Variants in SNTG1 observed in about 807,000 individuals in gnomAD.
SNTG1 encodes the protein gamma-1-syntrophin.
Under a neutral mutation model 74.7 loss-of-function variants are expected in SNTG1, and 39 were observed. That is an observed-to-expected ratio of 0.52 (90% CI 0.40 to 0.68). SNTG1 has a LOEUF of 0.68. Ranked by LOEUF, SNTG1 falls within the 30% of genes least tolerant of loss-of-function variation. The pLI is 0.00. For missense variants in SNTG1, 685 were observed against 609.5 expected (o/e 1.12, Z -1.30); for synonymous variants, 254 against 217.1 (o/e 1.17, Z -1.49).
chr8:50,010,003 C>T (rs1297414100), intron 1 of SNTG1, among the ~76,000 whole-genome samples: 1 of 152,036 alleles, frequency 6.6e-6, no homozygotes, highest in African/African-American at 2.4e-5. Flanking sequence ...CTAAAAAAAC[C>T]CAATTATTTA....
intron 1 of SNTG1, among the ~76,000 whole-genome samples, chr8:50,102,963 C>G (rs112133562): frequency 6.6e-6 from 1 of 151,024 alleles, no homozygotes; most frequent in Non-Finnish European, 1.5e-5. Flanking sequence ...GTTACTGTAG[C>G]CTTGTAGTAT....
intron 12 of SNTG1, among the ~76,000 whole-genome samples, chr8:50,572,241 T>A (rs1055774977): frequency 7.0e-6 from 1 of 142,644 alleles, no homozygotes; most frequent in African/African-American, 2.6e-5. Context: ...ATTGTATGTT[T>A]GTTTCTATCA....
intron 2 of SNTG1, among the ~76,000 whole-genome samples, chr8:50,277,665 C>G (rs4873142): frequency 0.52 from 79,430 of 151,974 alleles, 23,762 homozygotes; most frequent in East Asian, 0.83. Flanking sequence ...ATTCTACAAA[C>G]TTTTCCCAAG....
chr8:50,581,673 T>C (rs1194548603), intron 12 of SNTG1, among the ~76,000 whole-genome samples: 2 of 152,180 alleles, frequency 1.3e-5, no homozygotes, highest in African/African-American at 4.8e-5. Flanking sequence ...ATATTTGGGA[T>C]GCCACAGTGT....
At chr8:50,683,580 A>T (rs539480459) in intron 15 of SNTG1, among the ~76,000 whole-genome samples, 21 of 152,298 alleles carry the variant, frequency 1.4e-4, no homozygotes, top group South Asian at 8.3e-4. Context: ...TGCAATTTTT[A>T]CATCTCCCTA....
At chr8:50,315,120 A>G (rs13266062) in intron 2 of SNTG1, among the ~76,000 whole-genome samples, 113,073 of 149,376 alleles carry the variant, frequency 0.76, 46,232 homozygotes, top group East Asian at 0.98. Flanking sequence ...CTGTTATAAT[A>G]TTCTTGTATA....
At chr8:50,464,679 A>C (rs929583947) in intron 8 of SNTG1, among the ~76,000 whole-genome samples, 12 of 151,920 alleles carry the variant, frequency 7.9e-5, no homozygotes. Flanking sequence ...GTGGAGATTA[A>C]AGTGGGCTGA....
At chr8:50,468,261 C>T (rs945298911) in intron 8 of SNTG1, among the ~76,000 whole-genome samples, 1 of 151,904 alleles carries the variant, frequency 6.6e-6, no homozygotes, top group Non-Finnish European at 1.5e-5. Flanking sequence ...ATATATTTCT[C>T]CTTTCAGTTC....
intron 17 of SNTG1, among the ~76,000 whole-genome samples, chr8:50,728,762 T>C (rs890061004): frequency 6.6e-6 from 1 of 152,168 alleles, no homozygotes; most frequent in Non-Finnish European, 1.5e-5. Context: ...TGCTCATTGT[T>C]TGGGGCTTTT....
intron 15 of SNTG1, among the ~76,000 whole-genome samples, chr8:50,668,173 T>A (rs1343853725): frequency 1.3e-5 from 2 of 152,036 alleles, no homozygotes; most frequent in African/African-American, 4.8e-5. Flanking sequence ...ATTTTATTTT[T>A]TATTTTTGTT....
intron 16 of SNTG1, 23 bp from the exon 17 acceptor site, chr8:50,708,863 A>C (rs1451492762): frequency 4.6e-6 from 7 of 1,523,568 alleles, no homozygotes; most frequent in Non-Finnish European, 6.4e-6. Flanking sequence ...ATGAAAAGTA[A>C]CAATACTTTC....
intron 1 of SNTG1, among the ~76,000 whole-genome samples, chr8:50,068,282 T>A (rs1369188225): frequency 6.6e-6 from 1 of 152,172 alleles, no homozygotes; most frequent in African/African-American, 2.4e-5. Flanking sequence ...TCAGGCATTA[T>A]CCTCAGGCAG....
At chr8:50,321,201 A>G (rs1563893630) in intron 2 of SNTG1, among the ~76,000 whole-genome samples, 2 of 152,120 alleles carry the variant, frequency 1.3e-5, no homozygotes, top group African/African-American at 4.8e-5. Flanking sequence ...TTTGCTATAT[A>G]TATCTGGGTG....
intron 8 of SNTG1, among the ~76,000 whole-genome samples, chr8:50,477,997 A>C (rs2093710242): frequency 6.6e-6 from 1 of 152,144 alleles, no homozygotes; most frequent in African/African-American, 2.4e-5. Context: ...CAATGAATGA[A>C]ATACTGAAAT....
Position 49,974,949 on chromosome 8 carries a change from G to A in SNTG1, c.-103+62718G>A, listed in dbSNP as rs142919251. Among the ~76,000 whole-genome samples the A allele has an allele frequency of 2.8e-4, 43 of 152,114 alleles. 1 individual carries two copies. In the East Asian group the frequency reaches 8.1e-3, roughly 29 times the overall value. On this transcript the variant is annotated intron_variant, in intron 1 of 18. Coordinates refer to ENST00000642720, the MANE Select transcript of SNTG1 (RefSeq NM_018967.5). ...TCTCTGTGACTAACATTCCAATTGC[G>A]GAGTGAAACTAGAGAAAGAACATGG...
intron 1 of SNTG1, among the ~76,000 whole-genome samples, chr8:49,951,649 C>A (rs1400925285): frequency 2.6e-5 from 4 of 151,218 alleles, no homozygotes; most frequent in Non-Finnish European, 4.4e-5. Context: ...GGGAGATATA[C>A]CTAAGGCTAG....
chr8:50,685,181 A>G (rs2095347320), intron 15 of SNTG1, among the ~76,000 whole-genome samples: 1 of 152,152 alleles, frequency 6.6e-6, no homozygotes, highest in Non-Finnish European at 1.5e-5. Context: ...GTTGTGGTCA[A>G]TGTATTCTCT....
At chr8:50,346,302 G>T (rs1242580536) in intron 2 of SNTG1, among the ~76,000 whole-genome samples, 1 of 152,000 alleles carries the variant, frequency 6.6e-6, no homozygotes, top group African/African-American at 2.4e-5. Flanking sequence ...ATCTGTTATG[G>T]GGATCTGGAA....
At chr8:50,201,917 A>G (rs1300287381) in intron 2 of SNTG1, among the ~76,000 whole-genome samples, 1 of 152,138 alleles carries the variant, frequency 6.6e-6, no homozygotes. Context: ...CCCACCATCA[A>G]ACAGCCATTT....
Sources: gnomAD v4.1 joint callset for allele counts (sites outside exome capture counted in the v4.1 genomes callset) on GRCh38, gnomAD v4.1.1 for gene constraint, MANE v1.5 for transcripts, NCBI Gene and HGNC (gene_info 2026-07-23, HGNC 2026-07-21) for gene names.